ATAD5: variants seen among roughly 807,000 people sequenced by gnomAD.
The protein encoded by ATAD5 is ATPase family AAA domain-containing protein 5.
A neutral mutation model predicts 176.9 loss-of-function variants in ATAD5; 58 were observed. The observed-to-expected ratio is 0.33, with a 90% CI of 0.27 to 0.41. The LOEUF is 0.41. ATAD5 is among the 10% of genes least tolerant of loss of function. ATAD5 has a pLI of 1.00. For synonymous variants in ATAD5, 640 were observed against 712.6 expected (o/e 0.90, Z 1.62); for missense variants, 1,789 against 2,094.1 (o/e 0.85, Z 2.84).
chr17:30,857,742 A>ATTTTTT lies in ATAD5; in HGVS notation c.2794-408_2794-403dup, dbSNP rs56075512. On this transcript the variant is annotated intron_variant, in intron 8 of 22. Coordinates refer to ENST00000321990, the MANE Select transcript of ATAD5 (RefSeq NM_024857.5). ...AGCTTTATATTTAGTGACTAAAGCT[A>ATTTTTT]TTTTTTTTTTTTTTTTGAGTTGGAG... 8.0e-5 allele frequency among the ~76,000 whole-genome samples: 11 copies of ATTTTTT among 138,328 alleles called. 1 individual carries two copies. The highest frequency in any genetic ancestry group is 2.3e-4 in the South Asian group (1 of 4,280). The allele number at this position is 138,328 out of a possible 152,430, so 90.7% of individuals were successfully genotyped here. A position where few individuals can be genotyped will look rare whatever the true frequency, so the allele number is the denominator to read the frequency against.
At position 30,834,249 on chromosome 17, in the gene ATAD5, A is replaced by T; in HGVS notation, c.168A>T (p.Pro56=). The change falls in exon 2 of 23, where the codon CCA becomes CCT. Residue 56 remains proline, a synonymous_variant. Transcript: ENST00000321990. ...AGACTAGAGACAGGGTTTTTGCTCC[A>T]CCAAAACCTAGTAATATTCTGGATT... ...LGKTRDRVFA[P]PKPSNILDYF... 6.2e-7 allele frequency: 1 copy of T among 1,613,234 alleles called. No individual in the cohort carries two copies. The highest frequency in any genetic ancestry group is 8.5e-7 in the Non-Finnish European group (1 of 1,179,636).
intron 20 of ATAD5, 142 bp downstream of exon 20, chr17:30,892,930 T>G: frequency 1.4e-6 from 1 of 715,934 alleles, no homozygotes; most frequent in South Asian, 2.7e-5. Flanking sequence ...TTTTAACACA[T>G]CCTACCACTT....
intron 14 of ATAD5, among the ~76,000 whole-genome samples, chr17:30,874,565 AGAG>A (rs1908545539): frequency 6.7e-6 from 1 of 149,144 alleles, no homozygotes; most frequent in African/African-American, 2.5e-5. Flanking sequence ...AAAAAAAAAA[AGAG>A]GAAAAAATGG....
rs544625014 is a variant in ATAD5, at chr17:30,882,116, C to T, written c.4077+2629C>T. 3.9e-3 allele frequency among the ~76,000 whole-genome samples: 586 copies of T among 151,608 alleles called. 1 individual carries two copies. The highest frequency in any genetic ancestry group is 6.8e-3 in the Non-Finnish European group (464 of 67,920). On this transcript the variant is annotated intron_variant, in intron 18 of 22. Coordinates refer to ENST00000321990, the MANE Select transcript of ATAD5 (RefSeq NM_024857.5). ...TACTAAAAATACAAAATTAGCTGGGCGTGGTGGTGCATGCCTGTAATCCCA... is the reference window on the plus strand; with the variant it reads ...TACTAAAAATACAAAATTAGCTGGGTGTGGTGGTGCATGCCTGTAATCCCA...
Position 30,844,060 on chromosome 17 carries a change from T to G in ATAD5, c.2368+21T>G, listed in dbSNP as rs201246884. The G allele has an allele frequency of 9.2e-5, 137 of 1,490,618 alleles. No homozygotes were observed. The highest frequency in any genetic ancestry group is 3.5e-4 in the Middle Eastern group (2 of 5,646). The allele number at this position is 1,490,618 out of a possible 1,614,324, so 92.3% of individuals were successfully genotyped here. ...ACCTGGTAATCAGAGTTAATAATAT[T>G]TATGATGTATATTAGAATGTTTTGG... On this transcript the variant is annotated intron_variant, in intron 5 of 22. Transcript: ENST00000321990.
At position 30,876,370 on chromosome 17, in the gene ATAD5, G is replaced by T. The variant is rs1463759179; in HGVS notation, c.3608-4G>T. 6.4e-7 allele frequency: 1 copy of T among 1,566,580 alleles called. No individual in the cohort carries two copies. Among genetic ancestry groups the T allele is most frequent in the Non-Finnish European group, 8.6e-7 (1 of 1,161,180 alleles). On this transcript the variant is annotated splice_polypyrimidine_tract_variant and splice_region_variant and intron_variant, in intron 14 of 22. Coordinates refer to ENST00000321990, the MANE Select transcript of ATAD5 (RefSeq NM_024857.5). ...ATCTTTAAGTGCAATTTGTTTTTGG[G>T]CAGAAAAAATAAGCTCCCCTAAGAA...
chr17:30,853,182 G>A (rs570146083), intron 6 of ATAD5, among the ~76,000 whole-genome samples: 41 of 152,126 alleles, frequency 2.7e-4, no homozygotes, highest in Admixed American at 1.2e-3. Flanking sequence ...GAGCCACTGC[G>A]CCTGGCCTGT....
intron 6 of ATAD5, among the ~76,000 whole-genome samples, chr17:30,850,360 TC>T: frequency 1.3e-5 from 2 of 149,490 alleles, no homozygotes; most frequent in Non-Finnish European, 3.0e-5. Flanking sequence ...CTATGAGACT[TC>T]TTTTTTTTTT....
At chr17:30,850,632 T>C (rs2142343761) in intron 6 of ATAD5, among the ~76,000 whole-genome samples, 1 of 151,600 alleles carries the variant, frequency 6.6e-6, no homozygotes, top group South Asian at 2.1e-4. Flanking sequence ...TCTTTCTGTG[T>C]TCAGCTTATT....
At chr17:30,890,021 G>C (rs1174156519) in intron 19 of ATAD5, among the ~76,000 whole-genome samples, 1 of 150,844 alleles carries the variant, frequency 6.6e-6, no homozygotes, top group Non-Finnish European at 1.5e-5. Flanking sequence ...CTCCTGAGTA[G>C]CTGGAACCAC....
At chr17:30,889,542 G>A (rs1909511891) in intron 19 of ATAD5, among the ~76,000 whole-genome samples, 1 of 151,520 alleles carries the variant, frequency 6.6e-6, no homozygotes, top group Admixed American at 6.6e-5. Flanking sequence ...TTTAGCTTCA[G>A]GAGTCTTTAA....
chr17:30,893,593 C>G lies in ATAD5; in HGVS notation c.4740C>G (p.Asp1580Glu). 1 of 1,613,884 alleles carries G rather than the reference C, an allele frequency of 6.2e-7. No individual in the cohort carries two copies. The highest frequency in any genetic ancestry group is 8.5e-7 in the Non-Finnish European group (1 of 1,179,926). ...LVILDDSDLF[D>E]TDLDFPDQSI... The stretch of plus-strand genomic sequence containing the variant: ...TATTAGATGATAGTGATCTATTTGA[C>G]ACTGACTTGGACTTTCCTGATCAAT... The change falls in exon 21 of 23, where the codon GAC becomes GAG. Residue 1580 changes from aspartate (D) to glutamate (E), a missense_variant. Coordinates refer to ENST00000321990, the MANE Select transcript of ATAD5 (RefSeq NM_024857.5).
chr17:30,842,090 G>A (rs1200499473), intron 4 of ATAD5, among the ~76,000 whole-genome samples: 5 of 152,098 alleles, frequency 3.3e-5, no homozygotes, highest in East Asian at 1.9e-4. Flanking sequence ...CCAACATGGT[G>A]AAACCCCGTC....
In ATAD5 at chr17:30,835,546, G is replaced by A. The variant is rs752145415; in HGVS notation, c.1465G>A (p.Gly489Arg). ...KKKNKKTLDT[G>R]AIPGKNREGN... Reference sequence around the variant, plus strand: ...GAAGAATAAGAAAACATTAGATACTGGGGCTATTCCAGGCAAAAACAGAGA... The same window carrying A: ...GAAGAATAAGAAAACATTAGATACTAGGGCTATTCCAGGCAAAAACAGAGA... The change falls in exon 2 of 23, where the codon GGG (glycine) becomes AGG (arginine). Residue 489 changes from glycine (G) to arginine (R), a missense_variant. Gly to Arg is a moderately radical substitution (Grantham distance 125). Transcript: ENST00000321990. The A allele has an allele frequency of 1.1e-5, 18 of 1,610,958 alleles. No homozygotes were observed. The East Asian group carries it at 3.6e-4, about 32-fold the overall frequency.
At chr17:30,891,970 G>C (rs1909661981) in intron 19 of ATAD5, among the ~76,000 whole-genome samples, 1 of 151,792 alleles carries the variant, frequency 6.6e-6, no homozygotes, top group African/African-American at 2.4e-5. Context: ...GCCTCCCAAA[G>C]TGCTGGGATT....
At chr17:30,868,086 T>C (rs1349550642) in intron 11 of ATAD5, among the ~76,000 whole-genome samples, 2 of 152,228 alleles carry the variant, frequency 1.3e-5, no homozygotes, top group East Asian at 3.8e-4. Context: ...CATTTAAAAA[T>C]GTTCATGTCC....
chr17:30,867,827 A>AT (rs1193614530), intron 11 of ATAD5, among the ~76,000 whole-genome samples: 16 of 152,100 alleles, frequency 1.1e-4, no homozygotes, highest in African/African-American at 3.4e-4. Context: ...CTGGTTGCAA[A>AT]TTCCTGGGCT....
At chr17:30,886,031 T>C (rs1376012927) in intron 18 of ATAD5, among the ~76,000 whole-genome samples, 3 of 152,182 alleles carry the variant, frequency 2.0e-5, no homozygotes, top group Non-Finnish European at 4.4e-5. Flanking sequence ...TGGTGAATTA[T>C]ACTGACTGAT....
intron 10 of ATAD5, chr17:30,863,097 C>A (rs1390017683): frequency 6.6e-6 from 1 of 152,090 alleles, no homozygotes; most frequent in African/African-American, 2.4e-5. Context: ...CCACAGGAGG[C>A]TGATGTGAGA....
Sources: allele counts gnomAD v4.1 joint callset (sites outside exome capture counted in the v4.1 genomes callset), GRCh38; gene constraint gnomAD v4.1.1; transcripts MANE v1.5; gene names NCBI Gene and HGNC (gene_info 2026-07-23, HGNC 2026-07-21).